Variants in RBFOX1 observed in about 807,000 individuals in gnomAD.
RBFOX1 encodes RNA binding protein fox-1 homolog 1.
In RBFOX1, 8 loss-of-function variants were observed where a neutral mutation model predicts 57.7. That is an observed-to-expected ratio of 0.14 (90% CI 0.08 to 0.25). RBFOX1 has a LOEUF of 0.25. Among genes scored for constraint, RBFOX1 ranks in the 10% least tolerant of loss-of-function variants. The pLI is 1.00. For synonymous variants in RBFOX1, 326 were observed against 222.4 expected, an observed-to-expected ratio of 1.47 and a Z score of -4.15; for missense variants, 611 against 548.5, an observed-to-expected ratio of 1.11 and a Z score of -1.14.
chr16:6,820,202 G>C (rs575712144), intron 3 of RBFOX1, among the ~76,000 whole-genome samples: 120 of 152,236 alleles, frequency 7.9e-4, no homozygotes, highest in African/African-American at 2.8e-3. Flanking sequence ...TCGTGATTGT[G>C]AGGCCTCCCC....
chr16:6,369,627 A>G (rs2152889157), intron 2 of RBFOX1, among the ~76,000 whole-genome samples: 1 of 152,232 alleles, frequency 6.6e-6, no homozygotes, highest in South Asian at 2.1e-4. Context: ...TTCCCCCACC[A>G]TCTTTCCTTT....
intron 2 of RBFOX1, among the ~76,000 whole-genome samples, chr16:6,573,012 T>C (rs1293522035): frequency 6.6e-6 from 1 of 152,180 alleles, no homozygotes; most frequent in Non-Finnish European, 1.5e-5. Flanking sequence ...GGGATCACTC[T>C]ATTAAGAGAT....
At chr16:6,301,561 A>C (rs1168854631) in intron 1 of RBFOX1, among the ~76,000 whole-genome samples, 1 of 152,178 alleles carries the variant, frequency 6.6e-6, no homozygotes, top group Non-Finnish European at 1.5e-5. Context: ...TTTTCAAATG[A>C]AAAAAATATT....
chr16:6,776,783 T>C (rs1239825772), intron 3 of RBFOX1, among the ~76,000 whole-genome samples: 2 of 152,234 alleles, frequency 1.3e-5, no homozygotes, highest in African/African-American at 2.4e-5. Flanking sequence ...AATTAGAAGT[T>C]AAATCTGATA....
intron 4 of RBFOX1, among the ~76,000 whole-genome samples, chr16:7,305,131 G>C (rs2096147033): frequency 6.6e-6 from 1 of 152,004 alleles, no homozygotes; most frequent in Non-Finnish European, 1.5e-5. Flanking sequence ...GTGTGTGTGT[G>C]CGTGTGTGGG....
chr16:6,238,829 C>T (rs950421197), intron 1 of RBFOX1, among the ~76,000 whole-genome samples: 1 of 152,074 alleles, frequency 6.6e-6, no homozygotes, highest in African/African-American at 2.4e-5. Flanking sequence ...TATAGACGTG[C>T]AATGTGAAAT....
chr16:5,469,643 C>T (rs900044460), intron 2 of RBFOX1, among the ~76,000 whole-genome samples: 5 of 152,054 alleles, frequency 3.3e-5, no homozygotes, highest in Non-Finnish European at 5.9e-5. Flanking sequence ...GGAGACCCTG[C>T]GACCATTAAG....
chr16:7,441,215 G>A (rs1191609195), intron 4 of RBFOX1, among the ~76,000 whole-genome samples: 3 of 152,138 alleles, frequency 2.0e-5, no homozygotes, highest in Non-Finnish European at 2.9e-5. Flanking sequence ...ATGACTTGGC[G>A]ATTCGACCTC....
At chr16:7,031,848 C>CT (rs900881518) in intron 3 of RBFOX1, among the ~76,000 whole-genome samples, 22 of 152,248 alleles carry the variant, frequency 1.4e-4, no homozygotes, top group African/African-American at 5.3e-4. Flanking sequence ...TGCTGGCCTG[C>CT]TGGACACACA....
chr16:6,337,040 A>G (rs904824807), intron 2 of RBFOX1, among the ~76,000 whole-genome samples: 1 of 152,214 alleles, frequency 6.6e-6, no homozygotes, highest in African/African-American at 2.4e-5. Context: ...AGCATTTTTC[A>G]ATCTGACCCA....
chr16:5,522,048 C>T (rs887170876), intron 2 of RBFOX1, among the ~76,000 whole-genome samples: 2 of 152,186 alleles, frequency 1.3e-5, no homozygotes, highest in Admixed American at 1.3e-4. Flanking sequence ...GACTGGGGTT[C>T]TGGAAATGTT....
At chr16:5,504,952 G>C (rs372406757) in intron 2 of RBFOX1, among the ~76,000 whole-genome samples, 3 of 152,170 alleles carry the variant, frequency 2.0e-5, no homozygotes, top group African/African-American at 7.2e-5. Flanking sequence ...GGTTGTCCTA[G>C]GGGCTGGGGA....
chr16:6,474,729 T>C (rs1266085536), intron 2 of RBFOX1, among the ~76,000 whole-genome samples: 1 of 152,196 alleles, frequency 6.6e-6, no homozygotes, highest in East Asian at 1.9e-4. Flanking sequence ...GAGTTCCCTT[T>C]CATACTGCTG....
At chr16:7,214,780 C>G (rs2091755219) in intron 4 of RBFOX1, among the ~76,000 whole-genome samples, 1 of 152,272 alleles carries the variant, frequency 6.6e-6, no homozygotes, top group Admixed American at 6.5e-5. Flanking sequence ...CTCAATCTCA[C>G]CCCTGCAAAA....
At position 7,187,562 on chromosome 16, in the gene RBFOX1, G is replaced by A. The variant is rs936286984; in HGVS notation, c.27+135464G>A. Among the ~76,000 whole-genome samples, 46 of 151,302 alleles carry A rather than the reference G, an allele frequency of 3.0e-4. No individual in the cohort carries two copies. In the Middle Eastern group the frequency reaches 0.01, roughly 34 times the overall value. On this transcript the variant is annotated intron_variant, in intron 4 of 15. Coordinates refer to ENST00000550418, the MANE Select transcript of RBFOX1 (RefSeq NM_018723.4). The stretch of plus-strand genomic sequence containing the variant: ...AAATTAGCCAGGCGTGGTGGCGGGC[G>A]CCTGTAGTCCCACCTACTCGGGAGG...
chr16:6,437,762 A>G (rs1184282667), intron 2 of RBFOX1, among the ~76,000 whole-genome samples: 3 of 152,188 alleles, frequency 2.0e-5, no homozygotes, highest in Non-Finnish European at 2.9e-5. Flanking sequence ...GAGAGAGTGA[A>G]GAGGGAAGTT....
At chr16:5,525,489 C>CTTTTT (rs1216671998) in intron 2 of RBFOX1, among the ~76,000 whole-genome samples, 4 of 99,428 alleles carry the variant, frequency 4.0e-5, no homozygotes, top group East Asian at 5.4e-4. Context: ...AGAGCCGACA[C>CTTTTT]TATTTTTTTT....
chr16:5,864,547 G>GTTTTT (rs57100340), intron 3 of RBFOX1, among the ~76,000 whole-genome samples: 1 of 145,236 alleles, frequency 6.9e-6, no homozygotes. Context: ...ACATACTTGA[G>GTTTTT]TTTTTTTTTT....
Position 5,759,218 on chromosome 16 carries a change from T to A in RBFOX1, c.319-108085T>A, listed in dbSNP as rs535190416. Among the ~76,000 whole-genome samples, 259 of 152,342 alleles carry A rather than the reference T, an allele frequency of 1.7e-3. 1 individual carries two copies. Among genetic ancestry groups the A allele is most frequent in the African/African-American group, 5.9e-3 (244 of 41,580 alleles). On this transcript the variant is annotated intron_variant, in intron 3 of 19. Transcript: ENST00000641259. ...AGGTTCAGTTTAGAATGTCTGAATC[T>A]GCATCATAGCCTGAGGTCTGTGTTC...
Sources: gnomAD v4.1 joint callset for allele counts (sites outside exome capture counted in the v4.1 genomes callset) on GRCh38, gnomAD v4.1.1 for gene constraint, MANE v1.5 for transcripts, NCBI Gene and HGNC (gene_info 2026-07-23, HGNC 2026-07-21) for gene names.